MBD5: variants seen among roughly 807,000 people sequenced by gnomAD.
MBD5 encodes methyl-CpG binding domain protein 5.
Under a neutral mutation model 117.3 loss-of-function variants are expected in MBD5, and 13 were observed. The ratio of observed to expected loss-of-function variants is 0.11; its 90% CI spans 0.07 to 0.18. The LOEUF is 0.18. Among genes scored for constraint, MBD5 ranks in the 10% least tolerant of loss-of-function variants. The pLI, the probability that MBD5 is intolerant of heterozygous loss-of-function variation, is 1.00. For synonymous variants in MBD5, 727 were observed against 766.4 expected (o/e 0.95, Z 0.85); for missense variants, 1,879 against 2,093.8 (o/e 0.90, Z 2.00).
chr2:148,265,702 A>T (rs1282045279), intron 3 of MBD5, among the ~76,000 whole-genome samples: 1 of 152,178 alleles, frequency 6.6e-6, no homozygotes, highest in East Asian at 1.9e-4. Context: ...ATGCATAAAT[A>T]TGTACATTTT....
rs1411318062 is a variant in MBD5 at position 148,468,380 on chromosome 2, G to T, written c.437G>T (p.Arg146Ile). The change falls in exon 8 of 14, where the codon AGA (arginine) becomes ATA (isoleucine). Residue 146 changes from arginine (R) to isoleucine (I), a missense_variant. Around this residue, in one of 4 missense-constraint regions of MBD5, gnomAD observed 1,666 missense variants for 1,792.2 expected, o/e 0.93. Transcript: ENST00000642680. The part of the protein sequence containing the change: ...PVVPSRAATP[R>I]SVRNKSHEGI... The stretch of plus-strand genomic sequence containing the variant: ...GTACCTTCTCGGGCAGCAACTCCAA[G>T]ATCAGTAAGAAATAAGTCTCATGAA... 6.2e-7 allele frequency: 1 copy of T among 1,613,470 alleles called. No homozygotes were observed. Among genetic ancestry groups the T allele is most frequent in the Non-Finnish European group, 8.5e-7 (1 of 1,179,780 alleles).
chr2:148,145,758 T>G (rs1000178953), intron 1 of MBD5, among the ~76,000 whole-genome samples: 11 of 152,212 alleles, frequency 7.2e-5, no homozygotes, highest in Admixed American at 7.2e-4. Flanking sequence ...ATTTATTGAT[T>G]TGCATATGTC....
chr2:148,065,763 G>A (rs1401556257), intron 1 of MBD5, among the ~76,000 whole-genome samples: 3 of 152,130 alleles, frequency 2.0e-5, no homozygotes, highest in Non-Finnish European at 4.4e-5. Context: ...TTTTCAGTAG[G>A]AAACACTTAA....
chr2:148,365,924 T>C (rs1703683667), intron 4 of MBD5, among the ~76,000 whole-genome samples: 1 of 152,016 alleles, frequency 6.6e-6, no homozygotes, highest in Non-Finnish European at 1.5e-5. Context: ...CCATTCCTTC[T>C]GAAACTATTC....
At chr2:148,426,810 T>G (rs2105309693) in intron 4 of MBD5, among the ~76,000 whole-genome samples, 1 of 152,230 alleles carries the variant, frequency 6.6e-6, no homozygotes, top group African/African-American at 2.4e-5. Flanking sequence ...TGGGATCTAA[T>G]TAAACTAAAG....
At chr2:148,343,254 T>G (rs1484366946) in intron 4 of MBD5, among the ~76,000 whole-genome samples, 1 of 152,126 alleles carries the variant, frequency 6.6e-6, no homozygotes, top group Non-Finnish European at 1.5e-5. Flanking sequence ...TGTGTCTTTT[T>G]GGGAGAACAA....
intron 1 of MBD5, among the ~76,000 whole-genome samples, chr2:148,036,404 G>T (rs1387867025): frequency 1.3e-5 from 2 of 152,148 alleles, no homozygotes; most frequent in African/African-American, 4.8e-5. Flanking sequence ...TAAATGTAAA[G>T]ATATGTTCTT....
intron 2 of MBD5, among the ~76,000 whole-genome samples, chr2:148,179,779 G>A (rs959329057): frequency 2.0e-5 from 3 of 152,180 alleles, no homozygotes; most frequent in African/African-American, 7.2e-5. Flanking sequence ...CTTGCCAAAT[G>A]GGGACAATGG....
At chr2:148,122,927 G>A (rs1267531600) in intron 1 of MBD5, among the ~76,000 whole-genome samples, 2 of 152,170 alleles carry the variant, frequency 1.3e-5, no homozygotes, top group Admixed American at 1.3e-4. Context: ...ATAGGATAGT[G>A]AATGAGAGGC....
intron 1 of MBD5, among the ~76,000 whole-genome samples, chr2:148,112,819 T>C (rs920630504): frequency 2.6e-5 from 4 of 152,078 alleles, no homozygotes; most frequent in African/African-American, 9.7e-5. Context: ...TGGCACTTAC[T>C]ACTTCTAAAA....
rs71406014 is a variant in MBD5 at position 148,246,763 on chromosome 2, C to CAAAAA, written c.-680+13388_-680+13392dup. Among the ~76,000 whole-genome samples the CAAAAA allele has an allele frequency of 6.1e-4, 43 of 70,062 alleles. 1 individual carries two copies. The highest frequency in any genetic ancestry group is 1.6e-3 in the African/African-American group (26 of 16,754). The allele number at this position is 70,062 out of a possible 152,430, so 46.0% of individuals were successfully genotyped here. ...TGGGTGACAGAGTGAGACTCCATCT[C>CAAAAA]AAAAAAAAAAAAAAAAAAAAAAAAT... is the stretch of plus-strand genomic sequence containing the variant. On this transcript the variant is annotated intron_variant, in intron 3 of 13. Coordinates refer to ENST00000642680, the MANE Select transcript of MBD5 (RefSeq NM_001378120.1).
intron 4 of MBD5, among the ~76,000 whole-genome samples, chr2:148,356,423 C>T (rs906284974): frequency 6.6e-6 from 1 of 151,976 alleles, no homozygotes; most frequent in Non-Finnish European, 1.5e-5. Flanking sequence ...TTTAAAACTA[C>T]TGTCACTCTC....
At position 148,489,770 on chromosome 2, in the gene MBD5, C is replaced by A; in HGVS notation, c.4138C>A (p.Arg1380=). ...TGCTGTCAGTGCGGTCATTCATGGA[C>A]GGAACATGGGAGGTGTTGATCATGA... ...SSAVSAVIHG[R]NMGGVDHDGR... is the part of the protein sequence containing the mutation. Residue 1380 remains arginine (R), a synonymous_variant, in exon 11 of 14, where the codon CGG becomes AGG. Transcript: ENST00000642680. 2 of 1,613,954 alleles carry A rather than the reference C, an allele frequency of 1.2e-6. No individual in the cohort carries two copies. Among genetic ancestry groups the A allele is most frequent in the Non-Finnish European group, 1.7e-6 (2 of 1,180,008 alleles).
intron 4 of MBD5, among the ~76,000 whole-genome samples, chr2:148,396,014 T>C (rs1001331965): frequency 2.0e-5 from 3 of 152,236 alleles, no homozygotes; most frequent in African/African-American, 7.2e-5. Context: ...TGTTGTTTTT[T>C]TCTAGCTGTG....
intron 4 of MBD5, among the ~76,000 whole-genome samples, chr2:148,445,288 C>T (rs1028098007): frequency 3.3e-5 from 5 of 150,632 alleles, no homozygotes; most frequent in Admixed American, 6.6e-5. Flanking sequence ...CCTCCCCGCT[C>T]CCCCCACCCC....
chr2:148,361,110 G>T (rs1703520566), intron 4 of MBD5, among the ~76,000 whole-genome samples: 1 of 152,184 alleles, frequency 6.6e-6, no homozygotes, highest in Non-Finnish European at 1.5e-5. Flanking sequence ...CACGTTGGGA[G>T]GCCGAGGCAG....
intron 1 of MBD5, among the ~76,000 whole-genome samples, chr2:148,090,351 T>G (rs191720382): frequency 1.3e-5 from 2 of 152,138 alleles, no homozygotes; most frequent in African/African-American, 4.8e-5. Context: ...GAAGCCAGTA[T>G]CATCCTAATA....
chr2:148,112,776 A>T (rs1158095399), intron 1 of MBD5, among the ~76,000 whole-genome samples: 2 of 152,146 alleles, frequency 1.3e-5, no homozygotes, highest in Non-Finnish European at 2.9e-5. Flanking sequence ...AAAAAAATTC[A>T]ATCTGGACTC....
intron 3 of MBD5, among the ~76,000 whole-genome samples, chr2:148,284,185 A>G (rs1274042283): frequency 6.6e-6 from 1 of 152,198 alleles, no homozygotes; most frequent in Non-Finnish European, 1.5e-5. Flanking sequence ...ATTTCTCTTT[A>G]GAGTTACATC....
Sources: gnomAD v4.1 joint callset for allele counts (sites outside exome capture counted in the v4.1 genomes callset) on GRCh38, gnomAD v4.1.1 for gene constraint, gnomAD v4.1.1 regional missense constraint, MANE v1.5 for transcripts, NCBI Gene and HGNC (gene_info 2026-07-23, HGNC 2026-07-21) for gene names.